The following ACACA variants were observed in gnomAD, a reference collection of about 807,000 sequenced individuals.
ACACA encodes acetyl-CoA carboxylase 1.
ACACA carries 103 observed loss-of-function variants against 296.1 expected under a neutral mutation model. The observed-to-expected ratio is 0.35, with a 90% CI of 0.30 to 0.41. ACACA has a LOEUF of 0.41. Ranked by LOEUF, ACACA falls within the 10% of genes least tolerant of loss-of-function variation. ACACA has a pLI of 1.00. For synonymous variants in ACACA, 953 were observed against 1,038.6 expected (o/e 0.92, Z 1.58); for missense variants, 1,554 against 2,989.7 (o/e 0.52, Z 11.20).
At chr17:37,254,767 C>T (rs553392621) in intron 14 of ACACA, among the ~76,000 whole-genome samples, 4 of 151,510 alleles carry the variant, frequency 2.6e-5, no homozygotes, top group African/African-American at 7.3e-5. Flanking sequence ...GCAGATCACT[C>T]GAGGTCAGGA....
rs1490989638 is a variant in ACACA, at chr17:37,221,775, T to G, written c.3632A>C (p.Asn1211Thr). ...NSVQHRQLKDNTCVVEFQFML... is the reference protein window; with the variant it reads ...NSVQHRQLKDTTCVVEFQFML... ...GAACTGGAATTCCACCACACAGGTGTTGTCCTTAAGCTGGCGGTGTTGTAC... is the reference window on the plus strand; with the variant it reads ...GAACTGGAATTCCACCACACAGGTGGTGTCCTTAAGCTGGCGGTGTTGTAC... The change falls in exon 29 of 56, where the codon AAC (asparagine) becomes ACC (threonine). Residue 1211 changes from asparagine (N) to threonine (T), a missense_variant. Physicochemically the swap from Asn to Thr is moderately conservative, Grantham distance 65 (BLOSUM62 0). This residue lies in a region of ACACA where 15 missense variants were observed against 18.8 expected (regional missense o/e 0.80). Transcript: ENST00000616317. 2 of 1,614,094 alleles carry G rather than the reference T, an allele frequency of 1.2e-6. No individual in the cohort carries two copies. Among genetic ancestry groups the G allele is most frequent in the Admixed American group, 3.3e-5 (2 of 60,012 alleles).
In ACACA at chr17:37,111,422, T is replaced by C. The variant is rs903135225; in HGVS notation, c.6565+109A>G. 4.8e-6 allele frequency: 4 copies of C among 824,860 alleles called. No homozygotes were observed. In the African/African-American group the frequency reaches 6.7e-5, roughly 14 times the overall value. 51.1% of individuals were successfully genotyped at this position (824,860 alleles called of 1,614,324 possible). A position where few individuals can be genotyped will look rare whatever the true frequency, so the allele number is the denominator to read the frequency against. ...TATAGAGGACAGTAAATAAAGATTA[T>C]CATGAATTTGATCAAATGCTTCAGT... On this transcript the variant is annotated intron_variant, in intron 52 of 55. Transcript: ENST00000616317.
chr17:37,124,980 A>C (rs1160082031), intron 48 of ACACA, among the ~76,000 whole-genome samples: 1 of 152,204 alleles, frequency 6.6e-6, no homozygotes, highest in Non-Finnish European at 1.5e-5. Flanking sequence ...GGTGAGCTCC[A>C]GATGCGGTCC....
At chr17:37,391,483 C>T (rs1002775663) in intron 1 of ACACA, among the ~76,000 whole-genome samples, 8 of 152,096 alleles carry the variant, frequency 5.3e-5, no homozygotes. Flanking sequence ...CCTATGTGCA[C>T]CTTGATCATA....
At position 37,087,202 on chromosome 17, in the gene ACACA, A is replaced by AT; in HGVS notation, c.*113dup. The AT allele has an allele frequency of 6.9e-7, 1 of 1,458,104 alleles. No individual in the cohort carries two copies. The highest frequency in any genetic ancestry group is 9.6e-7 in the Non-Finnish European group (1 of 1,046,392). 90.3% of individuals were successfully genotyped at this position (1,458,104 alleles called of 1,614,324 possible). A position where few individuals can be genotyped will look rare whatever the true frequency, so the allele number is the denominator to read the frequency against. The stretch of plus-strand genomic sequence containing the variant: ...CTGAAACGAGAGGAAGTAAAATGCC[A>AT]TTTGACTCCAGTGCTGGGTCTCCTG... On this transcript the variant is annotated 3_prime_UTR_variant, in exon 56 of 56. Coordinates refer to ENST00000616317, the MANE Select transcript of ACACA (RefSeq NM_198834.3).
Position 37,391,680 on chromosome 17 carries a change from A to G in ACACA, c.38+14582T>C, listed in dbSNP as rs763731731. 3.1e-6 allele frequency: 5 copies of G among 1,613,952 alleles called. No homozygotes were observed. The South Asian group carries it at 3.3e-5, about 11-fold the overall frequency. ...AGATGCTGCCAATTCATCAAACCCAAAGAAAGCTGCAGAGATCACTGTTAT... is the reference window on the plus strand; with the variant it reads ...AGATGCTGCCAATTCATCAAACCCAGAGAAAGCTGCAGAGATCACTGTTAT... On this transcript the variant is annotated intron_variant, in intron 1 of 55. Coordinates refer to ENST00000616317, the MANE Select transcript of ACACA (RefSeq NM_198834.3).
chr17:37,295,508 G>A (rs1026088627), intron 3 of ACACA, among the ~76,000 whole-genome samples: 2 of 152,184 alleles, frequency 1.3e-5, no homozygotes, highest in Admixed American at 6.5e-5. Context: ...AAAGCACACG[G>A]CCAGGCACAG....
chr17:37,146,021 A>G (rs1329515029), intron 45 of ACACA, among the ~76,000 whole-genome samples: 2 of 152,250 alleles, frequency 1.3e-5, no homozygotes, highest in Non-Finnish European at 2.9e-5. Flanking sequence ...TAAAAGACAC[A>G]GTGGCAAAGG....
At chr17:37,305,780 T>C (rs1192459941) in intron 3 of ACACA, among the ~76,000 whole-genome samples, 1 of 152,114 alleles carries the variant, frequency 6.6e-6, no homozygotes, top group Non-Finnish European at 1.5e-5. Context: ...CTGGTCTTCA[T>C]GGTCTACCCA....
chr17:37,299,670 C>G (rs1055657408), intron 3 of ACACA: 21 of 1,066,514 alleles, frequency 2.0e-5, no homozygotes, highest in Non-Finnish European at 2.3e-5. Flanking sequence ...GAAAGTAGAT[C>G]TTAGCAGCTC....
intron 29 of ACACA, among the ~76,000 whole-genome samples, chr17:37,213,725 C>T (rs963985058): frequency 3.3e-5 from 5 of 152,090 alleles, no homozygotes; most frequent in Admixed American, 6.6e-5. Flanking sequence ...CTGAGGTTCC[C>T]GGCACTAAGT....
intron 1 of ACACA, chr17:37,391,571 C>A: frequency 7.4e-7 from 1 of 1,342,586 alleles, no homozygotes; most frequent in Non-Finnish European, 1.1e-6. Context: ...TGTACTTAGC[C>A]AGCCCTTTTC....
intron 13 of ACACA, 128 bp from the exon 14 acceptor site, chr17:37,257,994 C>T: frequency 1.5e-6 from 2 of 1,310,042 alleles, no homozygotes; most frequent in Non-Finnish European, 2.1e-6. Flanking sequence ...TGATAAAGGC[C>T]AAGACCCAGT....
chr17:37,291,688 T>C (rs2083075069), intron 3 of ACACA, among the ~76,000 whole-genome samples: 1 of 152,188 alleles, frequency 6.6e-6, no homozygotes, highest in Non-Finnish European at 1.5e-5. Context: ...TGTCTTCCAA[T>C]GTTTACATAT....
At chr17:37,169,865 TG>T (rs2076819772) in intron 41 of ACACA, among the ~76,000 whole-genome samples, 1 of 152,090 alleles carries the variant, frequency 6.6e-6, no homozygotes, top group South Asian at 2.1e-4. Flanking sequence ...TGAAGGAAGA[TG>T]GAAGAGCTAA....
At chr17:37,319,224 T>C (rs1292453118) in intron 3 of ACACA, among the ~76,000 whole-genome samples, 1 of 152,114 alleles carries the variant, frequency 6.6e-6, no homozygotes, top group Non-Finnish European at 1.5e-5. Flanking sequence ...ATTGGATACT[T>C]GCATGAAGGA....
intron 8 of ACACA, among the ~76,000 whole-genome samples, chr17:37,275,495 C>CAAAA (rs34064045): frequency 3.2e-5 from 2 of 61,642 alleles, no homozygotes; most frequent in South Asian, 6.4e-4. Context: ...GACTCCAACT[C>CAAAA]AAAAAAAAAA....
chr17:37,108,302 T>C (rs2073799019), intron 52 of ACACA, among the ~76,000 whole-genome samples: 1 of 152,032 alleles, frequency 6.6e-6, no homozygotes, highest in South Asian at 2.1e-4. Context: ...CAAAAGGCCA[T>C]TTAAAAAAAT....
At chr17:37,288,450 A>C (rs186553344) in intron 3 of ACACA, among the ~76,000 whole-genome samples, 3 of 152,336 alleles carry the variant, frequency 2.0e-5, no homozygotes, top group Admixed American at 1.3e-4. Flanking sequence ...AAGGATAACT[A>C]ATCTACAGTG....
Sources: gnomAD v4.1 joint callset for allele counts (sites outside exome capture counted in the v4.1 genomes callset) on GRCh38, gnomAD v4.1.1 for gene constraint, gnomAD v4.1.1 regional missense constraint, MANE v1.5 for transcripts, NCBI Gene and HGNC (gene_info 2026-07-23, HGNC 2026-07-21) for gene names.